The following CORO2A variants were observed in gnomAD, a reference collection of about 807,000 sequenced individuals.
CORO2A encodes coronin 2A, also known as coronin-2A.
In CORO2A, 47 loss-of-function variants were observed where a neutral mutation model predicts 62.4. That is an observed-to-expected ratio of 0.75 (90% CI 0.60 to 0.96). The LOEUF (loss-of-function observed/expected upper bound fraction) is 0.96. CORO2A is among the 40% of genes least tolerant of loss of function. The pLI is 0.00. For synonymous variants in CORO2A, 273 were observed against 268.9 expected, an observed-to-expected ratio of 1.02 and a Z score of -0.15; for missense variants, 610 against 684.1, an observed-to-expected ratio of 0.89 and a Z score of 1.21.
intron 1 of CORO2A, among the ~76,000 whole-genome samples, chr9:98,180,655 C>T (rs1828165329): frequency 6.6e-6 from 1 of 152,174 alleles, no homozygotes; most frequent in Non-Finnish European, 1.5e-5. Flanking sequence ...AAATGCTCCA[C>T]CTGCTTCCAA....
At chr9:98,146,029 A>G (rs112635427) in intron 2 of CORO2A, among the ~76,000 whole-genome samples, 116 of 152,248 alleles carry the variant, frequency 7.6e-4, no homozygotes, top group Middle Eastern at 3.4e-3. Flanking sequence ...CTTTAAGATC[A>G]TGGCAGTGAA....
chr9:98,133,368 G>A, intron 4 of CORO2A, 151 bp from the exon 5 acceptor site: 4 of 727,050 alleles, frequency 5.5e-6, no homozygotes, highest in Non-Finnish European at 9.0e-6. Context: ...GGAGGATGAT[G>A]TGCAGGCTGA....
At chr9:98,149,587 C>T (rs918947701) in intron 2 of CORO2A, among the ~76,000 whole-genome samples, 3 of 152,198 alleles carry the variant, frequency 2.0e-5, no homozygotes, top group Admixed American at 6.5e-5. Flanking sequence ...TCAGGTGTGC[C>T]GCAGGCCACG....
chr9:98,177,906 C>A (rs1828130176), intron 1 of CORO2A, among the ~76,000 whole-genome samples: 1 of 152,142 alleles, frequency 6.6e-6, no homozygotes, highest in Non-Finnish European at 1.5e-5. Context: ...CATAAACAAA[C>A]AAACAAACTT....
intron 1 of CORO2A, among the ~76,000 whole-genome samples, chr9:98,163,753 A>T (rs1175531304): frequency 1.5e-4 from 22 of 142,336 alleles, no homozygotes; most frequent in African/African-American, 4.8e-4. Context: ...AGAGAGAGAG[A>T]GAGAGAGAGA....
At chr9:98,174,086 A>G (rs970431662) in intron 1 of CORO2A, among the ~76,000 whole-genome samples, 1 of 151,934 alleles carries the variant, frequency 6.6e-6, no homozygotes, top group Non-Finnish European at 1.5e-5. Flanking sequence ...CAGCCTGGGC[A>G]ACGAGAGTGA....
At position 98,131,013 on chromosome 9, in the gene CORO2A, G is replaced by A. The variant is rs1244657643; in HGVS notation, c.812C>T (p.Ser271Leu). Reference sequence around the variant, plus strand: ...GTCATAGAAGGGAAACAGCACGCCCGAGGAGCCGTCCAGGTCCTCCTCCAT... The same window carrying A: ...GTCATAGAAGGGAAACAGCACGCCCAAGGAGCCGTCCAGGTCCTCCTCCAT... ...PLMEEDLDGS[S>L]GVLFPFYDAD... The change falls in exon 7 of 12, where the codon TCG (serine) becomes TTG (leucine). Residue 271 changes from serine to leucine, a missense_variant. Transcript: ENST00000375077. 3.1e-6 allele frequency: 5 copies of A among 1,613,918 alleles called. No homozygotes were observed. The highest frequency in any genetic ancestry group is 1.3e-5 in the African/African-American group (1 of 75,012).
chr9:98,187,587 T>C (rs368323162), intron 1 of CORO2A, among the ~76,000 whole-genome samples: 14 of 152,132 alleles, frequency 9.2e-5, no homozygotes, highest in African/African-American at 3.1e-4. Flanking sequence ...TCCTGGGTCA[T>C]AGAATGGCGC....
At chr9:98,186,098 C>A (rs1828236100) in intron 1 of CORO2A, among the ~76,000 whole-genome samples, 1 of 152,218 alleles carries the variant, frequency 6.6e-6, no homozygotes, top group Admixed American at 6.5e-5. Flanking sequence ...ACTCCAGGCT[C>A]AAGGCCAGGC....
At chr9:98,126,448 A>C (rs1587989218) in intron 11 of CORO2A, 101 bp downstream of exon 11, 1 of 1,447,992 alleles carries the variant, frequency 6.9e-7, no homozygotes, top group Non-Finnish European at 9.4e-7. Context: ...ACAGCTGGTT[A>C]TTCTTCTCAT....
chr9:98,169,539 C>T (rs907774393), intron 1 of CORO2A, among the ~76,000 whole-genome samples: 2 of 152,070 alleles, frequency 1.3e-5, no homozygotes, highest in African/African-American at 4.8e-5. Flanking sequence ...CTGCACTTTC[C>T]CTTAAAATGC....
intron 2 of CORO2A, among the ~76,000 whole-genome samples, chr9:98,153,192 C>T (rs368379383): frequency 4.7e-5 from 7 of 148,658 alleles, no homozygotes; most frequent in East Asian, 2.0e-4. Context: ...CCCTGCCTCC[C>T]GGGTTCAAGT....
intron 2 of CORO2A, among the ~76,000 whole-genome samples, chr9:98,148,751 C>CAAACAAAACAAAACA (rs60243944): frequency 0.17 from 25,858 of 150,190 alleles, 2,373 homozygotes; most frequent in African/African-American, 0.23. Context: ...GAGCTTGTCT[C>CAAACAAAACAAAACA]AAACAAAACA....
chr9:98,129,728 A>G (rs1395389022), intron 8 of CORO2A, 66 bp downstream of exon 8: 2 of 1,272,298 alleles, frequency 1.6e-6, no homozygotes, highest in African/African-American at 2.9e-5. Context: ...CCTGACCCTG[A>G]TTCTCCCACC....
At chr9:98,139,965 A>G (rs1006364800) in intron 2 of CORO2A, among the ~76,000 whole-genome samples, 5 of 151,954 alleles carry the variant, frequency 3.3e-5, no homozygotes, top group Admixed American at 2.6e-4. Context: ...GCTATTTCCA[A>G]CTCCACCAAG....
chr9:98,132,915 C>T, intron 5 of CORO2A, 123 bp downstream of exon 5: 2 of 1,099,916 alleles, frequency 1.8e-6, no homozygotes, highest in Non-Finnish European at 2.6e-6. Context: ...GACAGGGATG[C>T]TGCCTGTGAA....
intron 2 of CORO2A, among the ~76,000 whole-genome samples, chr9:98,139,709 T>C (rs989542429): frequency 1.3e-5 from 2 of 152,096 alleles, no homozygotes; most frequent in African/African-American, 2.4e-5. Flanking sequence ...GGTGGGAGGA[T>C]TGCTTGAGCC....
At chr9:98,155,320 T>G (rs4743173) in intron 2 of CORO2A, among the ~76,000 whole-genome samples, 52,784 of 149,640 alleles carry the variant, frequency 0.35, 10,082 homozygotes, top group East Asian at 0.54. Context: ...CTATTTTCTT[T>G]AAGGGAAATT....
intron 11 of CORO2A, 119 bp from the exon 12 acceptor site, chr9:98,125,024 C>A: frequency 2.8e-6 from 3 of 1,084,922 alleles, no homozygotes; most frequent in Non-Finnish European, 3.9e-6. Flanking sequence ...ATGGCTGAGG[C>A]CTGATGGGGC....
Sources: allele counts gnomAD v4.1 joint callset (sites outside exome capture counted in the v4.1 genomes callset), GRCh38; gene constraint gnomAD v4.1.1; transcripts MANE v1.5; gene names NCBI Gene and HGNC (gene_info 2026-07-23, HGNC 2026-07-21).